SLC4A4: variants seen among roughly 807,000 people sequenced by gnomAD.
The protein encoded by SLC4A4 is solute carrier family 4 member 4.
Under a neutral mutation model 111.5 loss-of-function variants are expected in SLC4A4, and 27 were observed. That is an observed-to-expected ratio of 0.24 (90% CI 0.18 to 0.33). The LOEUF (loss-of-function observed/expected upper bound fraction) is 0.33, where lower values mean the gene tolerates loss of function less well. Ranked by LOEUF, SLC4A4 falls within the 10% of genes least tolerant of loss-of-function variation. SLC4A4 has a pLI of 1.00. For missense variants in SLC4A4, 909 were observed against 1,315.5 expected (o/e 0.69, Z 4.78); for synonymous variants, 443 against 463.4 (o/e 0.96, Z 0.57).
intron 1 of SLC4A4, among the ~76,000 whole-genome samples, chr4:71,075,627 T>A (rs1339659038): frequency 6.6e-6 from 1 of 152,112 alleles, no homozygotes; most frequent in Admixed American, 6.5e-5. Flanking sequence ...TCACTCCAGC[T>A]CTTCCTTCAG....
Position 71,439,470 on chromosome 4 carries a change from A to AAG in SLC4A4, c.808-1144_808-1143dup, listed in dbSNP as rs1560509668. Among the ~76,000 whole-genome samples, 75 of 136,532 alleles carry AAG rather than the reference A, an allele frequency of 5.5e-4. 3 individuals carry two copies. The highest frequency in any genetic ancestry group is 6.0e-4 in the Non-Finnish European group (38 of 63,216). The allele number at this position is 136,532 out of a possible 152,430, so 89.6% of individuals were successfully genotyped here. A position where few individuals can be genotyped will look rare whatever the true frequency, so the allele number is the denominator to read the frequency against. ...AAAAAAAAAAAAAAAAAAAAAAAAA[A>AAG]AGAAAAGAAAATCCCCAGCACCTCC... On this transcript the variant is annotated intron_variant, in intron 7 of 25. Coordinates refer to ENST00000264485, the MANE Select transcript of SLC4A4 (RefSeq NM_001098484.3).
intron 23 of SLC4A4, among the ~76,000 whole-genome samples, 196 bp downstream of exon 23, chr4:71,560,450 C>T (rs997534314): frequency 4.6e-5 from 7 of 151,412 alleles, no homozygotes; most frequent in Non-Finnish European, 7.4e-5. Context: ...CTTTCTGTAA[C>T]CATTAATACA....
intron 2 of SLC4A4, among the ~76,000 whole-genome samples, chr4:71,126,591 A>G (rs1743568672): frequency 6.6e-6 from 1 of 152,348 alleles, no homozygotes; most frequent in South Asian, 2.1e-4. Flanking sequence ...GTGATAAATT[A>G]TGAACAAAGG....
At chr4:71,263,229 A>C (rs1721998447) in intron 3 of SLC4A4, among the ~76,000 whole-genome samples, 1 of 152,094 alleles carries the variant, frequency 6.6e-6, no homozygotes, top group South Asian at 2.1e-4. Flanking sequence ...AAAATTATAG[A>C]TGTACTGTGT....
intron 2 of SLC4A4, among the ~76,000 whole-genome samples, chr4:71,129,784 CAAAAAA>C (rs35737857): frequency 9.3e-5 from 7 of 75,568 alleles, no homozygotes; most frequent in Middle Eastern, 7.6e-3. Context: ...TACCATGCAC[CAAAAAA>C]AAAAAAAAAA....
At chr4:71,222,481 G>T (rs537622844) in intron 1 of SLC4A4, among the ~76,000 whole-genome samples, 1 of 152,124 alleles carries the variant, frequency 6.6e-6, no homozygotes, top group Admixed American at 6.5e-5. Context: ...ATTATGCAAC[G>T]ATTTTTAAAT....
chr4:71,281,324 T>G (rs1321236830), intron 3 of SLC4A4, among the ~76,000 whole-genome samples: 1 of 152,198 alleles, frequency 6.6e-6, no homozygotes, highest in Non-Finnish European at 1.5e-5. Flanking sequence ...TGAACAATGA[T>G]TAGGCAACAA....
intron 18 of SLC4A4, among the ~76,000 whole-genome samples, chr4:71,540,559 C>G (rs1276031511): frequency 6.6e-6 from 1 of 152,100 alleles, no homozygotes; most frequent in East Asian, 1.9e-4. Flanking sequence ...TGAGTGCTTG[C>G]TATGTATGGA....
rs190213022 is a variant in SLC4A4 at position 71,097,469 on chromosome 4, G to A, written c.-2+4677G>A. Among the ~76,000 whole-genome samples the A allele has an allele frequency of 3.2e-3, 487 of 152,294 alleles. 2 individuals are homozygous for A. Among genetic ancestry groups the A allele is most frequent in the African/African-American group, 0.011 (457 of 41,552 alleles). ...TTCTATGTCTTTGCTATTGTGAATA[G>A]TGCTGCAATAAACATTTGCATGTGT... On this transcript the variant is annotated intron_variant, in intron 2 of 26. Coordinates refer to the SLC4A4 transcript ENST00000649996.
chr4:71,231,740 T>G (rs926606724), intron 1 of SLC4A4, among the ~76,000 whole-genome samples: 3 of 152,200 alleles, frequency 2.0e-5, no homozygotes, highest in African/African-American at 7.2e-5. Context: ...GTTCTTCCCT[T>G]TCTTTGTTTT....
chr4:71,344,343 A>G (rs1160584177), intron 4 of SLC4A4, among the ~76,000 whole-genome samples: 1 of 152,160 alleles, frequency 6.6e-6, no homozygotes, highest in Non-Finnish European at 1.5e-5. Context: ...AACCTTTACT[A>G]TCTGGGACAT....
chr4:71,411,991 G>C (rs1721401671), intron 7 of SLC4A4, among the ~76,000 whole-genome samples: 1 of 152,184 alleles, frequency 6.6e-6, no homozygotes, highest in African/African-American at 2.4e-5. Context: ...TTTTTAGCAT[G>C]TATTGCTCTG....
chr4:71,362,862 C>G (rs1347381577), intron 6 of SLC4A4, among the ~76,000 whole-genome samples: 1 of 152,164 alleles, frequency 6.6e-6, no homozygotes, highest in African/African-American at 2.4e-5. Context: ...GCTGCTTTCC[C>G]CATGCCTTCT....
intron 1 of SLC4A4, among the ~76,000 whole-genome samples, chr4:71,195,256 A>G (rs1247155407): frequency 1.4e-5 from 1 of 70,320 alleles, no homozygotes; most frequent in African/African-American, 6.6e-5. Context: ...TTTTTTTTTT[A>G]AAGAGCTTAT....
intron 1 of SLC4A4, among the ~76,000 whole-genome samples, chr4:71,074,747 A>G (rs573696266): frequency 4.6e-5 from 7 of 152,352 alleles, no homozygotes; most frequent in African/African-American, 1.4e-4. Flanking sequence ...AGATTTAAAC[A>G]AAGTAGTTTG....
intron 12 of SLC4A4, among the ~76,000 whole-genome samples, chr4:71,466,082 T>C (rs1417495209): frequency 6.6e-6 from 1 of 152,062 alleles, no homozygotes; most frequent in Non-Finnish European, 1.5e-5. Flanking sequence ...AAGAGGAAAT[T>C]GCCACCAAAA....
intron 3 of SLC4A4, among the ~76,000 whole-genome samples, chr4:71,332,628 T>C (rs1156956239): frequency 6.6e-6 from 1 of 152,012 alleles, no homozygotes; most frequent in African/African-American, 2.4e-5. Context: ...GTATTTTTAG[T>C]AGAGATGGGG....
intron 13 of SLC4A4, among the ~76,000 whole-genome samples, chr4:71,470,885 G>C (rs1019438217): frequency 6.6e-6 from 1 of 151,860 alleles, no homozygotes; most frequent in Non-Finnish European, 1.5e-5. Flanking sequence ...GTTTTATTCA[G>C]GCTTGCAACT....
chr4:71,318,120 A>G (rs1281386650), intron 3 of SLC4A4, among the ~76,000 whole-genome samples: 2 of 152,070 alleles, frequency 1.3e-5, no homozygotes, highest in African/African-American at 4.8e-5. Flanking sequence ...ATAATGGAAA[A>G]TAGAAGTATA....
Sources: allele counts gnomAD v4.1 joint callset (sites outside exome capture counted in the v4.1 genomes callset), GRCh38; gene constraint gnomAD v4.1.1; transcripts MANE v1.5; gene names NCBI Gene and HGNC (gene_info 2026-07-23, HGNC 2026-07-21).